Variants in EVC2 observed in about 807,000 individuals in gnomAD.
EVC2 encodes EvC ciliary complex subunit 2.
Under a neutral mutation model 149.3 loss-of-function variants are expected in EVC2, and 148 were observed. That is an observed-to-expected ratio of 0.99 (90% confidence interval 0.87 to 1.14). The LOEUF is 1.14. EVC2 is among the 50% of genes most tolerant of loss of function. EVC2 has a pLI of 0.00. For missense variants in EVC2, 1,854 were observed against 1,627.3 expected (o/e 1.14, Z -2.40); for synonymous variants, 776 against 649.9 (o/e 1.19, Z -2.95).
rs554737575 is a variant in EVC2, at chr4:5,679,880, A to G, written c.870+1380T>C. 6.6e-6 allele frequency among the ~76,000 whole-genome samples: 1 copy of G among 152,264 alleles called. No homozygotes were observed. Among genetic ancestry groups the G allele is most frequent in the Admixed American group, 6.5e-5 (1 of 15,298 alleles). ...GGTAATAACACAGCTTAAAACACAA[A>G]CACACTGTACAGCTATACAAAAATA... On this transcript the variant is annotated intron_variant, in intron 7 of 21. Transcript: ENST00000344408. This position sits in a 1 kb window ranked among gnomAD's most constrained non-coding sequence, Gnocchi z 5.1.
chr4:5,578,383 C>T (rs1723058893), intron 17 of EVC2, among the ~76,000 whole-genome samples: 4 of 152,198 alleles, frequency 2.6e-5, no homozygotes, highest in Admixed American at 2.0e-4. Flanking sequence ...ATAAAAGTTA[C>T]ATGAATTAGT....
chr4:5,543,768 T>C (rs1721561821), intron 21 of EVC2, among the ~76,000 whole-genome samples: 1 of 152,152 alleles, frequency 6.6e-6, no homozygotes, highest in Non-Finnish European at 1.5e-5. Flanking sequence ...TACCTGCTTA[T>C]TAATTGCAGT....
chr4:5,704,080 C>T (rs971833793), intron 1 of EVC2, among the ~76,000 whole-genome samples: 1 of 152,046 alleles, frequency 6.6e-6, no homozygotes, highest in Non-Finnish European at 1.5e-5. Flanking sequence ...GGGAAGCCAC[C>T]GTGAGCTACT....
intron 1 of EVC2, among the ~76,000 whole-genome samples, chr4:5,706,445 G>GATAGATAGATACATAC (rs1722194190): frequency 7.8e-5 from 2 of 25,762 alleles, no homozygotes; most frequent in African/African-American, 1.7e-4. Context: ...TAGATAGATA[G>GATAGATAGATACATAC]ATACATACAT....
chr4:5,660,103 T>A (rs1718783604), intron 9 of EVC2, among the ~76,000 whole-genome samples: 1 of 152,198 alleles, frequency 6.6e-6, no homozygotes, highest in African/African-American at 2.4e-5. Flanking sequence ...GGTGGCAAAT[T>A]TTAATTTGTA....
intron 1 of EVC2, among the ~76,000 whole-genome samples, chr4:5,707,348 G>A (rs1162561471): frequency 6.6e-6 from 1 of 152,118 alleles, no homozygotes; most frequent in Non-Finnish European, 1.5e-5. Flanking sequence ...GTGTCCTGGG[G>A]TAGAGAACAC....
intron 11 of EVC2, among the ~76,000 whole-genome samples, chr4:5,630,092 G>A (rs765750633): frequency 2.6e-5 from 4 of 152,210 alleles, no homozygotes; most frequent in Non-Finnish European, 5.9e-5. Flanking sequence ...ACCAAGCTAT[G>A]AATATGACAG....
downstream of EVC2, among the ~76,000 whole-genome samples, chr4:5,539,199 G>A (rs1157208249): frequency 1.3e-5 from 2 of 152,180 alleles, no homozygotes; most frequent in East Asian, 3.8e-4. Flanking sequence ...GTGATTACTA[G>A]TAGTATTCCA....
In EVC2 at chr4:5,670,289, T is replaced by A. The variant is rs1719554744; in HGVS notation, c.871-4640A>T. The stretch of plus-strand genomic sequence containing the variant: ...ATGATCAACATCTTCATTAACACCA[T>A]CATGATCACCATCAGCAGCAGCATC... On this transcript the variant is annotated intron_variant, in intron 7 of 21. Transcript: ENST00000344408. The surrounding 1 kb of genome is among the most constrained non-coding windows in gnomAD (Gnocchi z 5.2). Among the ~76,000 whole-genome samples the A allele has an allele frequency of 6.6e-6, 1 of 151,956 alleles. No individual in the cohort carries two copies. The highest frequency in any genetic ancestry group is 2.1e-4 in the South Asian group (1 of 4,810).
intron 21 of EVC2, among the ~76,000 whole-genome samples, chr4:5,551,802 C>T (rs911798692): frequency 2.0e-5 from 3 of 152,126 alleles, no homozygotes; most frequent in Non-Finnish European, 2.9e-5. Flanking sequence ...CGGTCTTTCC[C>T]GTGCTGTTCT....
Position 5,653,000 on chromosome 4 carries a change from G to A in EVC2, c.1145+10107C>T, listed in dbSNP as rs114434422. ...GTTGGCAGGGATGGTTCCTCCTGCA[G>A]GCTGTGAGGGAGGATCCGTTCCATG... On this transcript the variant is annotated intron_variant, in intron 9 of 21. Coordinates refer to ENST00000344408, the MANE Select transcript of EVC2 (RefSeq NM_147127.5). Among the ~76,000 whole-genome samples the A allele has an allele frequency of 8.0e-3, 1,221 of 152,270 alleles. 26 individuals are homozygous for A. The highest frequency in any genetic ancestry group is 0.028 in the African/African-American group (1,146 of 41,560).
rs1577171297 is a variant in EVC2, at chr4:5,623,070, G to A, written c.2047-79C>T. 4 of 1,322,716 alleles carry A rather than the reference G, an allele frequency of 3.0e-6. No individual in the cohort carries two copies. The South Asian group carries it at 3.8e-5, about 13-fold the overall frequency. The allele number at this position is 1,322,716 out of a possible 1,614,324, so 81.9% of individuals were successfully genotyped here. A position where few individuals can be genotyped will look rare whatever the true frequency, so the allele number is the denominator to read the frequency against. On this transcript the variant is annotated intron_variant, in intron 13 of 21. Transcript: ENST00000344408. ...CTTTGGCTGAAACACTTTGTTGCAG[G>A]AAGCACAGAATGTTTATAGCCTTTT... is the stretch of plus-strand genomic sequence containing the variant.
At chr4:5,702,610 T>C (rs931534381) in intron 1 of EVC2, among the ~76,000 whole-genome samples, 18 of 152,192 alleles carry the variant, frequency 1.2e-4, no homozygotes, top group African/African-American at 4.3e-4. Flanking sequence ...TTTGAGCATA[T>C]GAAATGTTTA....
At chr4:5,706,062 G>A (rs908425350) in intron 1 of EVC2, among the ~76,000 whole-genome samples, 17 of 151,888 alleles carry the variant, frequency 1.1e-4, no homozygotes, top group South Asian at 4.2e-4. Context: ...TCCTACATGC[G>A]GGCCACACCC....
intron 16 of EVC2, among the ~76,000 whole-genome samples, chr4:5,586,098 G>A (rs959257600): frequency 3.3e-5 from 5 of 152,176 alleles, no homozygotes; most frequent in Non-Finnish European, 5.9e-5. Context: ...CTGGCCTCAA[G>A]TGATCTACCC....
intron 16 of EVC2, among the ~76,000 whole-genome samples, chr4:5,592,897 T>A (rs948072904): frequency 6.6e-5 from 10 of 152,152 alleles, no homozygotes; most frequent in Admixed American, 3.9e-4. Flanking sequence ...CCAAATCACA[T>A]CTTGAATTGT....
chr4:5,608,428 T>C (rs1364661623), intron 16 of EVC2, among the ~76,000 whole-genome samples: 1 of 152,228 alleles, frequency 6.6e-6, no homozygotes, highest in African/African-American at 2.4e-5. Context: ...ATGGTTAATT[T>C]TATGTGTCAC....
intron 15 of EVC2, among the ~76,000 whole-genome samples, chr4:5,616,579 C>T (rs1391905298): frequency 6.6e-6 from 1 of 152,168 alleles, no homozygotes; most frequent in African/African-American, 2.4e-5. Flanking sequence ...CACCTGGCCC[C>T]GTATACCCTC....
chr4:5,631,419 T>C (rs1716519031), intron 11 of EVC2, among the ~76,000 whole-genome samples: 1 of 152,208 alleles, frequency 6.6e-6, no homozygotes, highest in Admixed American at 6.5e-5. Context: ...TAAACATATG[T>C]TATGCCAAGC....
Sources: gnomAD v4.1 joint callset for allele counts (sites outside exome capture counted in the v4.1 genomes callset) on GRCh38, gnomAD v4.1.1 for gene constraint, Gnocchi (gnomAD v3.1) non-coding constraint, MANE v1.5 for transcripts, NCBI Gene and HGNC (gene_info 2026-07-23, HGNC 2026-07-21) for gene names.